The following TUBB2B variants were observed in gnomAD, a reference collection of about 807,000 sequenced individuals.
TUBB2B encodes the protein tubulin beta-2B chain.
TUBB2B carries 5 observed loss-of-function variants against 35.0 expected under a neutral mutation model. The ratio of observed to expected loss-of-function variants is 0.14; its 90% confidence interval spans 0.07 to 0.30. The LOEUF is 0.30. TUBB2B is among the 10% of genes least tolerant of loss of function. The probability of loss-of-function intolerance (pLI) is 1.00; values close to 1 mark genes in which losing one functional copy is unlikely to be tolerated. For missense variants in TUBB2B, 63 were observed against 601.8 expected, an observed-to-expected ratio of 0.10 and a Z score of 9.37; for synonymous variants, 166 against 250.5, an observed-to-expected ratio of 0.66 and a Z score of 3.18.
Position 3,224,808 on chromosome 6 carries a change from G to A in TUBB2B, c.1281C>T (p.Asp427=), listed in dbSNP as rs750592908. The A allele has an allele frequency of 1.9e-6, 3 of 1,612,764 alleles. No individual in the cohort carries two copies. Among genetic ancestry groups the A allele is most frequent in the South Asian group, 2.2e-5 (2 of 90,952 alleles). The change falls in exon 4 of 4, where the codon GAC becomes GAT. Residue 427 remains aspartate, a synonymous_variant. Transcript: ENST00000259818. The part of the protein sequence containing the change: ...DLVSEYQQYQ[D]ATADEQGEFE... ...ACTCCCCTTGTTCGTCGGCCGTGGC[G>A]TCCTGGTACTGCTGGTACTCGGACA...
At position 3,224,402 on chromosome 6, in the gene TUBB2B, C is replaced by CT. The variant is rs1309346410; in HGVS notation, c.*348dup. The CT allele has an allele frequency of 2.6e-6, 1 of 377,530 alleles. No homozygotes were observed. The highest frequency in any genetic ancestry group is 2.0e-5 in the African/African-American group (1 of 49,104). 23.4% of individuals were successfully genotyped at this position (377,530 alleles called of 1,614,324 possible). On this transcript the variant is annotated 3_prime_UTR_variant, in exon 4 of 4. Transcript: ENST00000259818. ...ATTTGAGCTTTTACCTACGCCTTTGCTTTTTGTTAAAGGAAGAATTCAATG... is the reference window on the plus strand; with the variant it reads ...ATTTGAGCTTTTACCTACGCCTTTGCTTTTTTGTTAAAGGAAGAATTCAATG...
chr6:3,225,850 T>G (rs757885281), intron 3 of TUBB2B, 39 bp from the exon 4 acceptor site: 84 of 1,612,738 alleles, frequency 5.2e-5, no homozygotes, highest in Non-Finnish European at 7.0e-5. Flanking sequence ...CACCGGTGAT[T>G]GTACTAAATA....
rs1757297660 is a variant in TUBB2B, at chr6:3,227,123, T to G, written c.57+364A>C. Reference sequence around the variant, plus strand: ...TCCTCCCCTCCCCCGGCAGCTCGACTCCGGTTCAAGCGAGTACAATTAATC... The same window carrying G: ...TCCTCCCCTCCCCCGGCAGCTCGACGCCGGTTCAAGCGAGTACAATTAATC... On this transcript the variant is annotated intron_variant, in intron 1 of 3. Transcript: ENST00000259818. The surrounding 1 kb of genome is among the most constrained non-coding windows in gnomAD (Gnocchi z 7.8). Among the ~76,000 whole-genome samples the G allele has an allele frequency of 6.6e-6, 1 of 151,990 alleles. No individual in the cohort carries two copies. The highest frequency in any genetic ancestry group is 1.5e-5 in the Non-Finnish European group (1 of 67,978).
Position 3,227,599 on chromosome 6 carries a change from C to T in TUBB2B, c.-56G>A. On this transcript the variant is annotated 5_prime_UTR_variant, in exon 1 of 4. Coordinates refer to ENST00000259818, the MANE Select transcript of TUBB2B (RefSeq NM_178012.5). This position sits in a 1 kb window ranked among gnomAD's most constrained non-coding sequence, Gnocchi z 7.8. ...GGCGTCTGGGTCTGTCCGTCCTCCC[C>T]TCACACACCCACTGCGGGGTCACCG... 3.1e-6 allele frequency: 5 copies of T among 1,602,816 alleles called. No individual in the cohort carries two copies. The highest frequency in any genetic ancestry group is 1.7e-5 in the Admixed American group (1 of 59,160).
Position 3,227,400 on chromosome 6 carries a change from C to T in TUBB2B, c.57+87G>A. 1.3e-6 allele frequency: 2 copies of T among 1,553,646 alleles called. No homozygotes were observed. Among genetic ancestry groups the T allele is most frequent in the Admixed American group, 1.8e-5 (1 of 57,060 alleles). ...GGTCTGCATTTGGCGATCCCCAGGC[C>T]TTCCCAGGACCGCGCCTGGGGACCC... On this transcript the variant is annotated intron_variant, in intron 1 of 3. Transcript: ENST00000259818. The surrounding 1 kb of genome is among the most constrained non-coding windows in gnomAD (Gnocchi z 7.8).
In TUBB2B at chr6:3,227,318, T is replaced by A. The variant is rs754796290; in HGVS notation, c.57+169A>T. Among the ~76,000 whole-genome samples the A allele has an allele frequency of 3.2e-4, 49 of 152,006 alleles. 1 individual carries two copies. The highest frequency in any genetic ancestry group is 6.2e-4 in the South Asian group (3 of 4,818). On this transcript the variant is annotated intron_variant, in intron 1 of 3. Coordinates refer to ENST00000259818, the MANE Select transcript of TUBB2B (RefSeq NM_178012.5). This position sits in a 1 kb window ranked among gnomAD's most constrained non-coding sequence, Gnocchi z 7.8. The stretch of plus-strand genomic sequence containing the variant: ...GAAAGAAAGAGAGGTGCCCCCTCCG[T>A]CCGCGAAAGTCACCTCCTAGCCCAG...
rs375381318 is a variant in TUBB2B at position 3,224,735 on chromosome 6, C to T, written c.*16G>A. Reference sequence around the variant, plus strand: ...CTTTCCTCCTCCGCTTTCCCTAACCCGTCTCGCGGGGGCATCTACGCCTCG... The same window carrying T: ...CTTTCCTCCTCCGCTTTCCCTAACCTGTCTCGCGGGGGCATCTACGCCTCG... On this transcript the variant is annotated 3_prime_UTR_variant, in exon 4 of 4. Transcript: ENST00000259818. 13 of 1,613,692 alleles carry T rather than the reference C, an allele frequency of 8.1e-6. No homozygotes were observed. Among genetic ancestry groups the T allele is most frequent in the South Asian group, 5.5e-5 (5 of 91,072 alleles).
In TUBB2B at chr6:3,226,348, A is replaced by G. The variant is rs1757287553; in HGVS notation, c.167-79T>C. The stretch of plus-strand genomic sequence containing the variant: ...GGCTTGGCGCCTGCTGCCATCATGC[A>G]GATGTTGCCCCAAACAAAGGGAGAC... On this transcript the variant is annotated intron_variant, in intron 2 of 3. Coordinates refer to ENST00000259818, the MANE Select transcript of TUBB2B (RefSeq NM_178012.5). The surrounding 1 kb of genome is among the most constrained non-coding windows in gnomAD (Gnocchi z 5.5). 1.5e-6 allele frequency: 2 copies of G among 1,327,492 alleles called. No homozygotes were observed. Among genetic ancestry groups the G allele is most frequent in the East Asian group, 2.4e-5 (1 of 42,430 alleles). The allele number at this position is 1,327,492 out of a possible 1,614,324, so 82.2% of individuals were successfully genotyped here.
At position 3,224,832 on chromosome 6, in the gene TUBB2B, C is replaced by T. The variant is rs1757270015; in HGVS notation, c.1257G>A (p.Val419=). ...TEAESNMNDL[V]SEYQQYQDAT... ...CGTCCTGGTACTGCTGGTACTCGGA[C>T]ACCAGGTCGTTCATGTTGCTCTCGG... The change falls in exon 4 of 4, where the codon GTG becomes GTA. Residue 419 remains valine (V), a synonymous_variant. Coordinates refer to ENST00000259818, the MANE Select transcript of TUBB2B (RefSeq NM_178012.5). 6.2e-7 allele frequency: 1 copy of T among 1,610,624 alleles called. No individual in the cohort carries two copies. Among genetic ancestry groups the T allele is most frequent in the Non-Finnish European group, 8.5e-7 (1 of 1,178,556 alleles).
Position 3,227,617 on chromosome 6 carries a change from G to T in TUBB2B, c.-74C>A. The T allele has an allele frequency of 6.3e-7, 1 of 1,586,702 alleles. No individual in the cohort carries two copies. The highest frequency in any genetic ancestry group is 8.6e-7 in the Non-Finnish European group (1 of 1,168,028). On this transcript the variant is annotated 5_prime_UTR_variant, in exon 1 of 4. Transcript: ENST00000259818. The surrounding 1 kb of genome is among the most constrained non-coding windows in gnomAD (Gnocchi z 7.8). The stretch of plus-strand genomic sequence containing the variant: ...TCCTCCCCTCACACACCCACTGCGG[G>T]GTCACCGGGAAGGCGCTCGGGAACC...
At position 3,226,536 on chromosome 6, in the gene TUBB2B, G is replaced by T; in HGVS notation, c.166+25C>A. On this transcript the variant is annotated intron_variant, in intron 2 of 3. Transcript: ENST00000259818. This position sits in a 1 kb window ranked among gnomAD's most constrained non-coding sequence, Gnocchi z 5.5. The stretch of plus-strand genomic sequence containing the variant: ...GGAGAAGGTGGAAAAACTGAAGGGA[G>T]TGGGGGTGGGGCAAGGGTGATTACC... 6 of 1,598,794 alleles carry T rather than the reference G, an allele frequency of 3.8e-6. No individual in the cohort carries two copies. The highest frequency in any genetic ancestry group is 4.3e-6 in the Non-Finnish European group (5 of 1,166,008).
In TUBB2B at chr6:3,227,376, G is replaced by A; in HGVS notation, c.57+111C>T. 1 of 1,424,834 alleles carries A rather than the reference G, an allele frequency of 7.0e-7. No homozygotes were observed. The highest frequency in any genetic ancestry group is 2.0e-5 in the Admixed American group (1 of 51,052). The allele number at this position is 1,424,834 out of a possible 1,614,324, so 88.3% of individuals were successfully genotyped here. ...TCGGCGGCACAAAGCGGCCAGGAAG[G>A]TCTGCATTTGGCGATCCCCAGGCCT... On this transcript the variant is annotated intron_variant, in intron 1 of 3. Coordinates refer to ENST00000259818, the MANE Select transcript of TUBB2B (RefSeq NM_178012.5). The surrounding 1 kb of genome is among the most constrained non-coding windows in gnomAD (Gnocchi z 7.8).
In TUBB2B at chr6:3,227,402, T is replaced by C. The variant is rs1757302435; in HGVS notation, c.57+85A>G. On this transcript the variant is annotated intron_variant, in intron 1 of 3. Coordinates refer to ENST00000259818, the MANE Select transcript of TUBB2B (RefSeq NM_178012.5). This position sits in a 1 kb window ranked among gnomAD's most constrained non-coding sequence, Gnocchi z 7.8. The stretch of plus-strand genomic sequence containing the variant: ...TCTGCATTTGGCGATCCCCAGGCCT[T>C]CCCAGGACCGCGCCTGGGGACCCCG... 5.7e-5 allele frequency: 89 copies of C among 1,562,718 alleles called. 3 individuals are homozygous for C. The South Asian group carries it at 9.8e-4, about 17-fold the overall frequency.
chr6:3,225,905 G>T, intron 3 of TUBB2B, 94 bp from the exon 4 acceptor site: 1 of 1,567,162 alleles, frequency 6.4e-7, no homozygotes, highest in Non-Finnish European at 8.7e-7. Context: ...TCAATGCTCA[G>T]ATAAGACTAT....
In TUBB2B at chr6:3,226,028, C is replaced by T; in HGVS notation, c.277+131G>A. The T allele has an allele frequency of 7.6e-7, 1 of 1,316,456 alleles. No individual in the cohort carries two copies. 81.5% of individuals were successfully genotyped at this position (1,316,456 alleles called of 1,614,324 possible). On this transcript the variant is annotated intron_variant, in intron 3 of 3. Coordinates refer to ENST00000259818, the MANE Select transcript of TUBB2B (RefSeq NM_178012.5). The surrounding 1 kb of genome is among the most constrained non-coding windows in gnomAD (Gnocchi z 5.5). ...AGCAGCTGAAAGGCAAACAATTTTA[C>T]ACTATATTAAAGCTAAGTTGGCACA...
In TUBB2B at chr6:3,226,782, C is replaced by T. The variant is rs1757292542; in HGVS notation, c.58-113G>A. ...AACCCAACATTTCAGGAGCTTGAAG[C>T]TTTAAAGGGCGTCGTGACCCGGGCA... On this transcript the variant is annotated intron_variant, in intron 1 of 3. Transcript: ENST00000259818. This position sits in a 1 kb window ranked among gnomAD's most constrained non-coding sequence, Gnocchi z 5.5. 2.1e-6 allele frequency: 2 copies of T among 954,454 alleles called. No homozygotes were observed. The highest frequency in any genetic ancestry group is 1.8e-5 in the Admixed American group (1 of 56,320). 59.1% of individuals were successfully genotyped at this position (954,454 alleles called of 1,614,324 possible). A position where few individuals can be genotyped will look rare whatever the true frequency, so the allele number is the denominator to read the frequency against.
Position 3,224,765 on chromosome 6 carries a change from C to T in TUBB2B, c.1324G>A (p.Glu442Lys), listed in dbSNP as rs772860060. 2 of 1,613,980 alleles carry T rather than the reference C, an allele frequency of 1.2e-6. No homozygotes were observed. The highest frequency in any genetic ancestry group is 1.1e-5 in the South Asian group (1 of 91,078). Residue 442 changes from glutamate (E) to lysine (K), a missense_variant, in exon 4 of 4, where the codon GAG becomes AAG. By Grantham distance (56) the Glu-to-Lys change is moderately conservative (BLOSUM62 1). Around this residue, in one of 4 missense-constraint regions of TUBB2B, gnomAD observed 14 missense variants for 16.2 expected, o/e 0.86. Transcript: ENST00000259818. ...CGCGGGGGCATCTACGCCTCGTCCT[C>T]GCCCTCCTCCTCCTCGAACTCCCCT... ...EQGEFEEEEGEDEA is the reference protein window; with the variant it reads ...EQGEFEEEEGKDEA
chr6:3,224,760 G>A lies in TUBB2B; in HGVS notation c.1329C>T (p.Asp443=), dbSNP rs769330039. The A allele has an allele frequency of 5.0e-6, 8 of 1,613,794 alleles. No homozygotes were observed. Among genetic ancestry groups the A allele is most frequent in the Non-Finnish European group, 6.8e-6 (8 of 1,179,988 alleles). ...QGEFEEEEGE[D]EA The stretch of plus-strand genomic sequence containing the variant: ...CGTCTCGCGGGGGCATCTACGCCTC[G>A]TCCTCGCCCTCCTCCTCCTCGAACT... The change falls in exon 4 of 4, where the codon GAC becomes GAT. Residue 443 remains aspartate (D), a synonymous_variant. Transcript: ENST00000259818.
At position 3,225,033 on chromosome 6, in the gene TUBB2B, G is replaced by A. The variant is rs777066122; in HGVS notation, c.1056C>T (p.Ala352=). ...GGCCGCGGGGCGGGATGTCGCACACGGCCGTCTTCACGTTGTTGGGGATCC... is the reference window on the plus strand; with the variant it reads ...GGCCGCGGGGCGGGATGTCGCACACAGCCGTCTTCACGTTGTTGGGGATCC... ...VEWIPNNVKT[A]VCDIPPRGLK... Residue 352 remains alanine, a synonymous_variant, in exon 4 of 4, where the codon GCC becomes GCT. Coordinates refer to ENST00000259818, the MANE Select transcript of TUBB2B (RefSeq NM_178012.5). 1.8e-4 allele frequency: 203 copies of A among 1,111,874 alleles called. No homozygotes were observed. The highest frequency in any genetic ancestry group is 2.5e-4 in the Non-Finnish European group (200 of 804,020). 68.9% of individuals were successfully genotyped at this position (1,111,874 alleles called of 1,614,324 possible). A position where few individuals can be genotyped will look rare whatever the true frequency, so the allele number is the denominator to read the frequency against.
Sources: gnomAD v4.1 joint callset for allele counts (sites outside exome capture counted in the v4.1 genomes callset) on GRCh38, gnomAD v4.1.1 for gene constraint, gnomAD v4.1.1 regional missense constraint, Gnocchi (gnomAD v3.1) non-coding constraint, MANE v1.5 for transcripts, NCBI Gene and HGNC (gene_info 2026-07-23, HGNC 2026-07-21) for gene names.